The following TANGO6 variants were observed in gnomAD, a reference collection of about 807,000 sequenced individuals.
The protein encoded by TANGO6 is transport and golgi organization 6 homolog.
In TANGO6, 90 loss-of-function variants were observed where a neutral mutation model predicts 114.2. The ratio of observed to expected loss-of-function variants is 0.79; its 90% confidence interval spans 0.66 to 0.94. TANGO6 has a LOEUF of 0.94. TANGO6 is among the 40% of genes least tolerant of loss of function. TANGO6 has a pLI of 0.00. For missense variants in TANGO6, 1,274 were observed against 1,315.3 expected, an observed-to-expected ratio of 0.97 and a Z score of 0.49; for synonymous variants, 477 against 509.8, an observed-to-expected ratio of 0.94 and a Z score of 0.87.
chr16:69,028,162 C>A (rs1049724987), intron 16 of TANGO6, among the ~76,000 whole-genome samples: 1 of 151,910 alleles, frequency 6.6e-6, no homozygotes, highest in African/African-American at 2.4e-5. Flanking sequence ...GTTTCACCAT[C>A]TTGGCTAGGC....
chr16:68,854,200 T>G (rs1327659852), intron 1 of TANGO6, among the ~76,000 whole-genome samples: 1 of 152,176 alleles, frequency 6.6e-6, no homozygotes, highest in Non-Finnish European at 1.5e-5. Context: ...ACACCTATAA[T>G]CCCAGCACTT....
chr16:68,924,381 G>C (rs1180621996), intron 12 of TANGO6, among the ~76,000 whole-genome samples: 1 of 152,116 alleles, frequency 6.6e-6, no homozygotes, highest in Non-Finnish European at 1.5e-5. Flanking sequence ...CAGCTACTCG[G>C]GAGGCTGAGG....
intron 8 of TANGO6, among the ~76,000 whole-genome samples, chr16:68,900,827 G>C (rs897669768): frequency 1.3e-5 from 2 of 152,092 alleles, no homozygotes; most frequent in Admixed American, 1.3e-4. Context: ...GCCACTTTTC[G>C]ATCAGTGAGA....
chr16:69,049,015 C>T (rs969234396), intron 17 of TANGO6, among the ~76,000 whole-genome samples: 1 of 152,154 alleles, frequency 6.6e-6, no homozygotes, highest in Non-Finnish European at 1.5e-5. Flanking sequence ...AGTGTGCTCT[C>T]TTCGTCAATA....
At chr16:69,023,241 C>G (rs542133140) in intron 16 of TANGO6, among the ~76,000 whole-genome samples, 1 of 151,934 alleles carries the variant, frequency 6.6e-6, no homozygotes. Flanking sequence ...AGATTGCTTG[C>G]GGCCAGGAGT....
At chr16:68,866,978 T>A in intron 3 of TANGO6, 101 bp from the exon 4 acceptor site, 1 of 241,404 alleles carries the variant, frequency 4.1e-6, no homozygotes, top group Non-Finnish European at 6.6e-6. Flanking sequence ...ATTTCTCCTT[T>A]TTTTTTTTTT....
chr16:68,928,143 G>A (rs1238233897), intron 13 of TANGO6, 60 bp downstream of exon 13: 5 of 1,472,876 alleles, frequency 3.4e-6, no homozygotes, highest in African/African-American at 2.8e-5. Context: ...TTCAACTCAA[G>A]TATTTTTGGA....
chr16:68,996,025 C>T (rs1467629763), intron 15 of TANGO6, among the ~76,000 whole-genome samples: 1 of 152,100 alleles, frequency 6.6e-6, no homozygotes, highest in Non-Finnish European at 1.5e-5. Flanking sequence ...TGTTTTATCC[C>T]ACAGCATTTT....
Position 68,907,459 on chromosome 16 carries a change from G to C in TANGO6, c.1684G>C (p.Glu562Gln). The change falls in exon 10 of 18, where the codon GAA (glutamate) becomes CAA (glutamine). Residue 562 changes from glutamate (E) to glutamine (Q), a missense_variant. Transcript: ENST00000261778. ...KEAISDEDED[E>Q]ALYQKVSSEQ... ...GCATTGCAGTGATGAAGATGAAGAT[G>C]AAGCCCTGTACCAGAAGGTATCCTC... is the stretch of plus-strand genomic sequence containing the variant. The C allele has an allele frequency of 6.2e-7, 1 of 1,602,034 alleles. No homozygotes were observed. Among genetic ancestry groups the C allele is most frequent in the Non-Finnish European group, 8.5e-7 (1 of 1,176,818 alleles).
rs1306723446 is a variant in TANGO6, at chr16:69,085,074, A to G, written c.*1413A>G. ...TAGCTGGATTAATTTCTATTCTCCA[A>G]ATCAAGGATGTCTAGAAAATGGGCA... is the stretch of plus-strand genomic sequence containing the variant. On this transcript the variant is annotated 3_prime_UTR_variant, in exon 18 of 18. Coordinates refer to ENST00000261778, the MANE Select transcript of TANGO6 (RefSeq NM_024562.2). 1 of 152,342 alleles carries G rather than the reference A, an allele frequency of 6.6e-6. No homozygotes were observed. The highest frequency in any genetic ancestry group is 1.5e-5 in the Non-Finnish European group (1 of 68,038). The allele number at this position is 152,342 out of a possible 1,614,324, so 9.4% of individuals were successfully genotyped here.
chr16:68,941,017 T>A (rs549332049), intron 14 of TANGO6, among the ~76,000 whole-genome samples: 27 of 152,320 alleles, frequency 1.8e-4, no homozygotes, highest in African/African-American at 6.5e-4. Flanking sequence ...ACTATAAGGC[T>A]GGGAACCCTT....
intron 7 of TANGO6, among the ~76,000 whole-genome samples, chr16:68,895,939 AATTTT>A (rs1006715138): frequency 2.0e-5 from 3 of 148,670 alleles, no homozygotes; most frequent in South Asian, 2.1e-4. Context: ...TTTTAATTTT[AATTTT>A]ATTTTATTTT....
At chr16:68,899,508 T>C (rs1260314266) in intron 7 of TANGO6, among the ~76,000 whole-genome samples, 2 of 151,480 alleles carry the variant, frequency 1.3e-5, no homozygotes, top group African/African-American at 4.8e-5. Context: ...TCACACACTT[T>C]TTTTTTTTTT....
chr16:68,943,626 A>T (rs1022925434), intron 14 of TANGO6, among the ~76,000 whole-genome samples: 4 of 151,994 alleles, frequency 2.6e-5, no homozygotes, highest in African/African-American at 4.8e-5. Flanking sequence ...TGGCCTCCCA[A>T]AGTGCTGGGA....
intron 14 of TANGO6, among the ~76,000 whole-genome samples, chr16:68,963,091 CAAA>C (rs567582629): frequency 5.2e-5 from 4 of 76,932 alleles, no homozygotes; most frequent in Non-Finnish European, 2.6e-5. Flanking sequence ...GACTCCGTCT[CAAA>C]AAAAAAAAAA....
chr16:68,974,133 T>C lies in TANGO6; in HGVS notation c.2807T>C (p.Val936Ala), dbSNP rs1963737636. The C allele has an allele frequency of 6.2e-7, 1 of 1,613,728 alleles. No individual in the cohort carries two copies. The highest frequency in any genetic ancestry group is 1.7e-5 in the Admixed American group (1 of 59,972). Reference protein sequence around the residue: ...DKHTPETRMKVGEVLMRIVRA... With the variant: ...DKHTPETRMKAGEVLMRIVRA... ...CACACACCAGAGACCAGAATGAAAG[T>C]CGGGGAAGTCCTTATGCGAATCGTC... Residue 936 changes from valine (V) to alanine (A), a missense_variant, in exon 15 of 18, where the codon GTC becomes GCC. Physicochemically the swap from Val to Ala is moderately conservative, Grantham distance 64 (BLOSUM62 0). This residue lies in a region of TANGO6 where 238 missense variants were observed against 252.9 expected (regional missense o/e 0.94). Coordinates refer to ENST00000261778, the MANE Select transcript of TANGO6 (RefSeq NM_024562.2).
intron 17 of TANGO6, among the ~76,000 whole-genome samples, chr16:69,050,648 C>A (rs1192542107): frequency 1.3e-5 from 2 of 152,198 alleles, no homozygotes; most frequent in African/African-American, 4.8e-5. Context: ...TACCACCATG[C>A]CCGGCTAATT....
At chr16:69,034,036 T>C in intron 16 of TANGO6, 1 of 153,038 alleles carries the variant, frequency 6.5e-6, no homozygotes, top group East Asian at 1.9e-4. Flanking sequence ...CATTTGTTAC[T>C]GTTAGGGACT....
chr16:69,026,839 G>C (rs1959509675), intron 16 of TANGO6, among the ~76,000 whole-genome samples: 1 of 152,042 alleles, frequency 6.6e-6, no homozygotes, highest in Non-Finnish European at 1.5e-5. Context: ...TCTGAAGAAT[G>C]ACCTACTGAG....
Sources: gnomAD v4.1 joint callset for allele counts (sites outside exome capture counted in the v4.1 genomes callset) on GRCh38, gnomAD v4.1.1 for gene constraint, gnomAD v4.1.1 regional missense constraint, MANE v1.5 for transcripts, NCBI Gene and HGNC (gene_info 2026-07-23, HGNC 2026-07-21) for gene names.